Variants in HIF3A observed in about 807,000 individuals in gnomAD.
HIF3A encodes the protein hypoxia-inducible factor 3-alpha.
A neutral mutation model predicts 67.2 loss-of-function variants in HIF3A; 41 were observed. The ratio of observed to expected loss-of-function variants is 0.61; its 90% CI spans 0.48 to 0.79. The LOEUF (loss-of-function observed/expected upper bound fraction) is 0.79. HIF3A is among the 30% of genes least tolerant of loss of function. The pLI is 0.00. For synonymous variants in HIF3A, 356 were observed against 374.8 expected, an observed-to-expected ratio of 0.95 and a Z score of 0.58; for missense variants, 855 against 898.0, an observed-to-expected ratio of 0.95 and a Z score of 0.61.
rs1971995814 is a variant in HIF3A, at chr19:46,343,337, T to C, written c.*3715T>C. 1 of 152,804 alleles carries C rather than the reference T, an allele frequency of 6.5e-6. No individual in the cohort carries two copies. Among genetic ancestry groups the C allele is most frequent in the Non-Finnish European group, 1.5e-5 (1 of 68,220 alleles). 9.5% of individuals were successfully genotyped at this position (152,804 alleles called of 1,614,324 possible). A position where few individuals can be genotyped will look rare whatever the true frequency, so the allele number is the denominator to read the frequency against. On this transcript the variant is annotated 3_prime_UTR_variant, in exon 15 of 15. Transcript: ENST00000377670. ...GGGCCCTCAATGGAGGGAATTGTGC[T>C]GGGCTAGGGAAAGGGGAGGGACTAG... is the stretch of plus-strand genomic sequence containing the variant.
chr19:46,339,407 C>A, intron 14 of HIF3A, 118 bp from the exon 15 acceptor site: 3 of 673,518 alleles, frequency 4.5e-6, no homozygotes, highest in Admixed American at 3.4e-5. Flanking sequence ...ATCCTTTGTT[C>A]GAGTGTTCAA....
Position 46,325,638 on chromosome 19 carries a change from A to T in HIF3A, c.1439A>T (p.Gln480Leu). 1 of 1,597,464 alleles carries T rather than the reference A, an allele frequency of 6.3e-7. No individual in the cohort carries two copies. The highest frequency in any genetic ancestry group is 1.1e-5 in the South Asian group (1 of 90,746). Residue 480 changes from glutamine (Q) to leucine (L), a missense_variant and splice_region_variant, in exon 11 of 15, where the codon CAG becomes CTG. Around this residue, in one of 3 missense-constraint regions of HIF3A, gnomAD observed 638 missense variants for 660.5 expected, o/e 0.97. Transcript: ENST00000377670. ...EAVETDLDIA[Q>L]DADALDLEML... ...GTGGAGACAGATTTAGATATAGCTC[A>T]GGTAAGGGCTGGCATGGAAGGGAGT...
At chr19:46,326,748 G>A (rs1345177375) in intron 11 of HIF3A, among the ~76,000 whole-genome samples, 2 of 152,136 alleles carry the variant, frequency 1.3e-5, no homozygotes, top group African/African-American at 4.8e-5. Flanking sequence ...GACAGGAATA[G>A]ACACTACTAT....
chr19:46,304,208 T>A, intron 2 of HIF3A, 120 bp downstream of exon 2: 1 of 797,618 alleles, frequency 1.3e-6, no homozygotes, highest in Non-Finnish European at 1.8e-6. Flanking sequence ...CCCCCTGGTG[T>A]CGTTTTTTTC....
intron 11 of HIF3A, among the ~76,000 whole-genome samples, chr19:46,325,922 A>G (rs1038767976): frequency 6.6e-6 from 1 of 152,266 alleles, no homozygotes; most frequent in African/African-American, 2.4e-5. Context: ...TATTGAATGC[A>G]TAGATAAAAT....
At chr19:46,330,611 CATGGATG>C (rs1031770061) in intron 12 of HIF3A, among the ~76,000 whole-genome samples, 1 of 132,420 alleles carries the variant, frequency 7.6e-6, no homozygotes, top group Non-Finnish European at 1.6e-5. Context: ...TGGATGGATG[CATGGATG>C]GTGGATGGAT....
In HIF3A at chr19:46,301,563, C is replaced by T. The variant is rs1374143127; in HGVS notation, c.27-2335C>T. Reference sequence around the variant, plus strand: ...CCCCTCCGCCGGGCATGGTGGCTCACGCCTGTAATCCCAGCACTTTGGGAG... The same window carrying T: ...CCCCTCCGCCGGGCATGGTGGCTCATGCCTGTAATCCCAGCACTTTGGGAG... On this transcript the variant is annotated intron_variant, in intron 1 of 14. Coordinates refer to ENST00000377670, the MANE Select transcript of HIF3A (RefSeq NM_152795.4). Among the ~76,000 whole-genome samples, 4 of 152,130 alleles carry T rather than the reference C, an allele frequency of 2.6e-5. No individual in the cohort carries two copies. The East Asian group carries it at 7.7e-4, about 29-fold the overall frequency.
chr19:46,332,848 G>A lies in HIF3A; in HGVS notation c.1830+1575G>A, dbSNP rs1460030898. ...AAAATACAAACGTTAGCCGGGTGTAGGTGCACACCTATAGTGCCAGCTACT... is the reference window on the plus strand; with the variant it reads ...AAAATACAAACGTTAGCCGGGTGTAAGTGCACACCTATAGTGCCAGCTACT... On this transcript the variant is annotated intron_variant, in intron 13 of 14. Coordinates refer to ENST00000377670, the MANE Select transcript of HIF3A (RefSeq NM_152795.4). 2.0e-5 allele frequency among the ~76,000 whole-genome samples: 3 copies of A among 151,988 alleles called. No individual in the cohort carries two copies. In the East Asian group the frequency reaches 5.8e-4, roughly 29 times the overall value.
chr19:46,312,460 A>G, intron 7 of HIF3A, 46 bp from the exon 8 acceptor site: 1 of 1,602,868 alleles, frequency 6.2e-7, no homozygotes. Flanking sequence ...TTCTCTCCCC[A>G]TTTGCCCCCT....
At chr19:46,338,872 G>A (rs1601390543) in intron 14 of HIF3A, among the ~76,000 whole-genome samples, 1 of 152,172 alleles carries the variant, frequency 6.6e-6, no homozygotes, top group Non-Finnish European at 1.5e-5. Flanking sequence ...TGCCCAAGAC[G>A]TCACTGCCGT....
intron 8 of HIF3A, among the ~76,000 whole-genome samples, chr19:46,313,871 G>A (rs776189297): frequency 3.8e-4 from 57 of 151,112 alleles, no homozygotes; most frequent in Non-Finnish European, 6.8e-4. Flanking sequence ...CAGGTTGGCC[G>A]GTCTGGTCTC....
chr19:46,336,331 A>G lies in HIF3A; in HGVS notation c.1912+1345A>G, dbSNP rs574680338. Reference sequence around the variant, plus strand: ...ATGGTCTCAATCTCCTAACCTCATGATCCGCCCACCTCGGCCTCCCAGAGT... The same window carrying G: ...ATGGTCTCAATCTCCTAACCTCATGGTCCGCCCACCTCGGCCTCCCAGAGT... On this transcript the variant is annotated intron_variant, in intron 14 of 14. Transcript: ENST00000377670. 5.3e-4 allele frequency among the ~76,000 whole-genome samples: 80 copies of G among 150,606 alleles called. 1 individual carries two copies. The highest frequency in any genetic ancestry group is 8.6e-4 in the Non-Finnish European group (58 of 67,752).
Position 46,304,138 on chromosome 19 carries a change from A to G in HIF3A, c.217+50A>G, listed in dbSNP as rs1454586291. 9 of 1,479,550 alleles carry G rather than the reference A, an allele frequency of 6.1e-6. No individual in the cohort carries two copies. In the Admixed American group the frequency reaches 1.0e-4, roughly 17 times the overall value. 91.7% of individuals were successfully genotyped at this position (1,479,550 alleles called of 1,614,324 possible). A position where few individuals can be genotyped will look rare whatever the true frequency, so the allele number is the denominator to read the frequency against. On this transcript the variant is annotated intron_variant, in intron 2 of 14. Coordinates refer to ENST00000377670, the MANE Select transcript of HIF3A (RefSeq NM_152795.4). ...CGTCTTGGTCAGGCCCCGCCCACGG[A>G]AAAAAACTACATCCCAGGGAGGCCC...
At chr19:46,322,788 A>G (rs1970472671) in intron 10 of HIF3A, among the ~76,000 whole-genome samples, 1 of 152,106 alleles carries the variant, frequency 6.6e-6, no homozygotes, top group Non-Finnish European at 1.5e-5. Flanking sequence ...AATCAGGACA[A>G]CACTTATTTA....
intron 4 of HIF3A, 125 bp downstream of exon 4, chr19:46,308,430 GCCCTGCCCTGGGGTCTATGGGGACAAAGA>G: frequency 1.4e-6 from 1 of 705,364 alleles, no homozygotes; most frequent in Non-Finnish European, 2.4e-6. Context: ...AGGAGAGATG[GCCCTGCCCTGGGGTCTATGGGGACAAAGA>G]CCCTGCCCTG....
chr19:46,334,952 C>T lies in HIF3A; in HGVS notation c.1878C>T (p.Pro626=). ...GGPAPGSLQD[P]STPLLNLNEP... is the part of the protein sequence containing the mutation. ...CAGCCCCAGGGAGCCTGCAGGACCC[C>T]AGCACCCCACTCCTGAACCTGAATG... Residue 626 remains proline (P), a synonymous_variant, in exon 14 of 15, where the codon CCC becomes CCT. Coordinates refer to ENST00000377670, the MANE Select transcript of HIF3A (RefSeq NM_152795.4). The T allele has an allele frequency of 6.2e-7, 1 of 1,608,540 alleles. No individual in the cohort carries two copies. The highest frequency in any genetic ancestry group is 8.5e-7 in the Non-Finnish European group (1 of 1,177,542).
intron 4 of HIF3A, 91 bp from the exon 5 acceptor site, chr19:46,308,572 G>A: frequency 2.7e-6 from 2 of 750,334 alleles, no homozygotes; most frequent in Non-Finnish European, 4.4e-6. Context: ...TTGGGATGGA[G>A]CTGGGGAGGC....
chr19:46,310,332 C>T (rs1164704341), intron 6 of HIF3A, among the ~76,000 whole-genome samples: 1 of 151,748 alleles, frequency 6.6e-6, no homozygotes, highest in Admixed American at 6.6e-5. Context: ...GAGGTTGAGG[C>T]TGCAGTTAGC....
At chr19:46,324,455 T>TATTCTGATGAGGTCAAAGAAATACA (rs1351138022) in intron 10 of HIF3A, among the ~76,000 whole-genome samples, 1 of 152,192 alleles carries the variant, frequency 6.6e-6, no homozygotes, top group Admixed American at 6.5e-5. Context: ...ATACAGACTG[T>TATTCTGATGAGGTCAAAGAAATACA]GACCTTTGAC....
Sources: gnomAD v4.1 joint callset for allele counts (sites outside exome capture counted in the v4.1 genomes callset) on GRCh38, gnomAD v4.1.1 for gene constraint, gnomAD v4.1.1 regional missense constraint, MANE v1.5 for transcripts, NCBI Gene and HGNC (gene_info 2026-07-23, HGNC 2026-07-21) for gene names.